NLGN1: variants seen among roughly 807,000 people sequenced by gnomAD.
NLGN1 encodes neuroligin 1.
Under a neutral mutation model 65.5 loss-of-function variants are expected in NLGN1, and 12 were observed. The ratio of observed to expected loss-of-function variants is 0.18; its 90% CI spans 0.12 to 0.30. The LOEUF (loss-of-function observed/expected upper bound fraction) is 0.30, where lower values mean the gene tolerates loss of function less well. Among genes scored for constraint, NLGN1 ranks in the 10% least tolerant of loss-of-function variants. The probability of loss-of-function intolerance (pLI) is 1.00; values close to 1 mark genes in which losing one functional copy is unlikely to be tolerated. For synonymous variants in NLGN1, 350 were observed against 359.5 expected, an observed-to-expected ratio of 0.97 and a Z score of 0.30; for missense variants, 750 against 1,007.1, an observed-to-expected ratio of 0.74 and a Z score of 3.46.
chr3:173,942,836 T>C (rs1746402607), intron 4 of NLGN1, among the ~76,000 whole-genome samples: 1 of 152,210 alleles, frequency 6.6e-6, no homozygotes, highest in East Asian at 1.9e-4. Context: ...ATGGTAAAAC[T>C]GCATTTTCAC....
intron 3 of NLGN1, among the ~76,000 whole-genome samples, chr3:173,728,909 A>G (rs1473233823): frequency 6.6e-6 from 1 of 152,090 alleles, no homozygotes; most frequent in Admixed American, 6.6e-5. Context: ...ATTTTAAGCC[A>G]CCGAGTTTGT....
At chr3:173,596,787 C>T (rs6788660) in intron 2 of NLGN1, among the ~76,000 whole-genome samples, 121,623 of 151,638 alleles carry the variant, frequency 0.8, 50,096 homozygotes, top group East Asian at 0.93. Flanking sequence ...CAGAGTAAAC[C>T]CTTTTTGGCC....
At chr3:173,439,529 C>T (rs1718764503) in intron 2 of NLGN1, among the ~76,000 whole-genome samples, 1 of 132,480 alleles carries the variant, frequency 7.5e-6, no homozygotes. Context: ...GCTCATTCAC[C>T]TGCAAAAAAA....
intron 3 of NLGN1, among the ~76,000 whole-genome samples, chr3:173,635,655 T>C (rs911364811): frequency 1.3e-5 from 2 of 152,130 alleles, no homozygotes; most frequent in Admixed American, 6.6e-5. Context: ...TCTTTCTTTG[T>C]TTGGGTGCTT....
At position 173,774,297 on chromosome 3, in the gene NLGN1, T is replaced by A. The variant is rs114360798; in HGVS notation, c.494-33383T>A. 7.8e-3 allele frequency among the ~76,000 whole-genome samples: 1,187 copies of A among 152,292 alleles called. 20 individuals are homozygous for A. The highest frequency in any genetic ancestry group is 0.026 in the African/African-American group (1,077 of 41,586). ...TGGTAGTAGAGATGGAAAGAACTTA[T>A]GTAAAATGTAAGTGGGGGAAGAGAA... On this transcript the variant is annotated intron_variant, in intron 3 of 6. Coordinates refer to ENST00000457714, the Ensembl canonical transcript of NLGN1.
intron 4 of NLGN1, among the ~76,000 whole-genome samples, chr3:174,077,950 C>G (rs1227720295): frequency 1.3e-5 from 2 of 152,062 alleles, no homozygotes; most frequent in Non-Finnish European, 2.9e-5. Flanking sequence ...CAGTTACTCT[C>G]TAATGAGTTA....
chr3:173,899,332 CT>C (rs1443577915), intron 4 of NLGN1, among the ~76,000 whole-genome samples: 1 of 152,072 alleles, frequency 6.6e-6, no homozygotes, highest in African/African-American at 2.4e-5. Context: ...TTCAGACTGA[CT>C]TGCATTAGTC....
chr3:173,410,066 T>C (rs1263752388), intron 1 of NLGN1, among the ~76,000 whole-genome samples: 1 of 152,202 alleles, frequency 6.6e-6, no homozygotes, highest in Admixed American at 6.5e-5. Flanking sequence ...GTGGTACTGC[T>C]GCTAAGTTAG....
intron 3 of NLGN1, among the ~76,000 whole-genome samples, chr3:173,662,823 CAAGGTAACTCCATA>C (rs1446146270): frequency 6.6e-6 from 1 of 151,982 alleles, no homozygotes; most frequent in Non-Finnish European, 1.5e-5. Flanking sequence ...TCACAATTCA[CAAGGTAACTCCATA>C]ACCCCAACAC....
intron 4 of NLGN1, among the ~76,000 whole-genome samples, chr3:174,071,235 T>G (rs1739781447): frequency 6.6e-6 from 1 of 152,172 alleles, no homozygotes; most frequent in South Asian, 2.1e-4. Flanking sequence ...ATTTTTAAGA[T>G]GGCAGCATTT....
At chr3:173,431,844 T>A (rs1407077076) in intron 1 of NLGN1, among the ~76,000 whole-genome samples, 1 of 152,182 alleles carries the variant, frequency 6.6e-6, no homozygotes, top group African/African-American at 2.4e-5. Context: ...ATAGTTTCAC[T>A]GCTCTAAAAA....
intron 2 of NLGN1, among the ~76,000 whole-genome samples, chr3:173,467,449 A>G (rs1465112413): frequency 1.3e-5 from 2 of 152,194 alleles, no homozygotes; most frequent in Admixed American, 6.6e-5. Context: ...TGTTTTAGAC[A>G]ATTAATGAAG....
At chr3:173,999,638 G>A (rs978911871) in intron 4 of NLGN1, among the ~76,000 whole-genome samples, 1 of 152,014 alleles carries the variant, frequency 6.6e-6, no homozygotes, top group African/African-American at 2.4e-5. Flanking sequence ...AACATTTTGG[G>A]AAGCTACTTC....
At chr3:173,515,341 T>G (rs779912067) in intron 2 of NLGN1, among the ~76,000 whole-genome samples, 2 of 152,164 alleles carry the variant, frequency 1.3e-5, no homozygotes, top group African/African-American at 2.4e-5. Flanking sequence ...TAAATTAAGT[T>G]ATTACTTATT....
Position 174,257,720 on chromosome 3 carries a change from A to AATAT in NLGN1, c.647-17580_647-17577dup, listed in dbSNP as rs148487842. 2.2e-3 allele frequency among the ~76,000 whole-genome samples: 319 copies of AATAT among 146,526 alleles called. 1 individual carries two copies. The highest frequency in any genetic ancestry group is 7.6e-3 in the African/African-American group (309 of 40,546). On this transcript the variant is annotated intron_variant, in intron 4 of 6. Coordinates refer to ENST00000457714, the Ensembl canonical transcript of NLGN1. ...TTGTCTAGAGGGACAGAACTAGTGG[A>AATAT]ATATATATATATATATATTTATTCA...
intron 2 of NLGN1, among the ~76,000 whole-genome samples, chr3:173,469,384 A>G (rs1434017672): frequency 3.3e-5 from 5 of 152,082 alleles, no homozygotes; most frequent in Admixed American, 2.6e-4. Context: ...CTCCTACTCC[A>G]AGTTACACTG....
intron 4 of NLGN1, among the ~76,000 whole-genome samples, chr3:174,259,009 ATCAG>A (rs1459409525): frequency 6.6e-6 from 1 of 152,152 alleles, no homozygotes; most frequent in African/African-American, 2.4e-5. Flanking sequence ...AAATCACTAA[ATCAG>A]TCAGAATAGC....
chr3:174,252,512 T>C (rs1210871405), intron 4 of NLGN1, among the ~76,000 whole-genome samples: 1 of 152,092 alleles, frequency 6.6e-6, no homozygotes, highest in Non-Finnish European at 1.5e-5. Context: ...TTTTTTTCCT[T>C]GACTAGCACT....
intron 3 of NLGN1, among the ~76,000 whole-genome samples, chr3:173,658,858 G>A (rs972180547): frequency 4.6e-5 from 7 of 151,936 alleles, no homozygotes; most frequent in African/African-American, 7.3e-5. Flanking sequence ...TATTCATACA[G>A]CACTACATTT....
Sources: gnomAD v4.1 joint callset for allele counts (sites outside exome capture counted in the v4.1 genomes callset) on GRCh38, gnomAD v4.1.1 for gene constraint, MANE v1.5 for transcripts, NCBI Gene and HGNC (gene_info 2026-07-23, HGNC 2026-07-21) for gene names.